The following ING4 variants were observed in gnomAD, a reference collection of about 807,000 sequenced individuals.
The protein encoded by ING4 is inhibitor of growth protein 4.
A neutral mutation model predicts 33.1 loss-of-function variants in ING4; 28 were observed. The observed-to-expected ratio is 0.85, with a 90% CI of 0.63 to 1.16. The LOEUF (loss-of-function observed/expected upper bound fraction) is 1.16, where lower values mean the gene tolerates loss of function less well. Among genes scored for constraint, ING4 ranks in the 50% most tolerant of loss-of-function variants. ING4 has a pLI of 0.00. For missense variants in ING4, 247 were observed against 314.7 expected (o/e 0.78, Z 1.63); for synonymous variants, 87 against 104.4 (o/e 0.83, Z 1.02).
intron 2 of ING4, among the ~76,000 whole-genome samples, chr12:6,656,247 C>A (rs556748428): frequency 3.3e-5 from 5 of 150,748 alleles, no homozygotes; most frequent in Non-Finnish European, 7.4e-5. Flanking sequence ...ATGATTTGGG[C>A]TCACTACAAC....
intron 1 of ING4, among the ~76,000 whole-genome samples, chr12:6,661,406 G>GTTTTTTT (rs1174675715): frequency 2.5e-5 from 3 of 118,618 alleles, no homozygotes; most frequent in Admixed American, 8.4e-5. Flanking sequence ...ACCAGCCTTT[G>GTTTTTTT]TTTTTTTTTT....
At chr12:6,655,615 A>T in intron 2 of ING4, 1 of 1,122,236 alleles carries the variant, frequency 8.9e-7, no homozygotes, top group East Asian at 7.4e-5. Context: ...ACTGTATTAC[A>T]AAAAAAGCAA....
intron 2 of ING4, chr12:6,656,011 G>A: frequency 2.3e-6 from 1 of 435,178 alleles, no homozygotes; most frequent in Admixed American, 2.5e-5. Flanking sequence ...TTCTCATATA[G>A]CAAACCTCCC....
chr12:6,652,450 T>C lies in ING4; in HGVS notation c.498-32A>G, dbSNP rs761628715. The C allele has an allele frequency of 1.9e-6, 3 of 1,609,268 alleles. No homozygotes were observed. In the Admixed American group the frequency reaches 5.0e-5, roughly 27 times the overall value. ...GCCAAGAGGAAGAGAAAGTGTCATC[T>C]ACAGGAAGGGAAGCTAAAGCCTGAG... On this transcript the variant is annotated intron_variant, in intron 5 of 7. Transcript: ENST00000341550.
chr12:6,661,406 G>GTTT (rs1174675715), intron 1 of ING4, among the ~76,000 whole-genome samples: 1,183 of 118,290 alleles, frequency 0.01, 52 homozygotes, highest in African/African-American at 0.039. Flanking sequence ...ACCAGCCTTT[G>GTTT]TTTTTTTTTT....
chr12:6,659,061 C>T (rs1407175538), intron 1 of ING4, among the ~76,000 whole-genome samples: 1 of 152,242 alleles, frequency 6.6e-6, no homozygotes, highest in Non-Finnish European at 1.5e-5. Context: ...ACTCTGTTAA[C>T]TGCCCTCGAT....
chr12:6,652,194 C>G (rs1949204026), intron 6 of ING4, 77 bp downstream of exon 6: 1 of 1,507,796 alleles, frequency 6.6e-7, no homozygotes. Flanking sequence ...CAGTACTCAA[C>G]TGTGGGATTT....
chr12:6,655,553 TATA>T, intron 2 of ING4: 1 of 1,055,470 alleles, frequency 9.5e-7, no homozygotes, highest in South Asian at 2.6e-5. Flanking sequence ...TGAAAAAGCA[TATA>T]GTTCCATAAT....
rs1472022444 is a variant in ING4 at position 6,653,253 on chromosome 12, G to C, written c.253C>G (p.Leu85Val). 6.2e-7 allele frequency: 1 copy of C among 1,614,170 alleles called. No individual in the cohort carries two copies. The highest frequency in any genetic ancestry group is 1.7e-5 in the Admixed American group (1 of 60,004). ...CKEFGDDKVQ[L>V]AMQTYEMVDK... is the part of the protein sequence containing the mutation. ...ACCATCTCATAGGTCTGCATGGCAA[G>C]CTGCACCTTGTCGTCACCAAATTCC... is the stretch of plus-strand genomic sequence containing the variant. Residue 85 changes from leucine (L) to valine (V), a missense_variant, in exon 3 of 8, where the codon CTT (leucine) becomes GTT (valine). Around this residue, in one of 3 missense-constraint regions of ING4, gnomAD observed 198 missense variants for 221.2 expected, o/e 0.89. Transcript: ENST00000341550.
intron 1 of ING4, chr12:6,657,937 A>C (rs1437125910): frequency 2.0e-5 from 3 of 151,430 alleles, no homozygotes; most frequent in Non-Finnish European, 2.9e-5. Context: ...TCCAAAAAAA[A>C]AAAAAAAAGC....
chr12:6,652,007 G>A (rs1565397232), intron 6 of ING4, among the ~76,000 whole-genome samples: 1 of 151,772 alleles, frequency 6.6e-6, no homozygotes. Flanking sequence ...TGACAGTCGT[G>A]TGCCACTATG....
At chr12:6,656,880 A>T in intron 1 of ING4, 82 bp from the exon 2 acceptor site, 1 of 840,518 alleles carries the variant, frequency 1.2e-6, no homozygotes, top group Non-Finnish European at 1.8e-6. Flanking sequence ...CAGGCCGGAC[A>T]TGGTGGCTCA....
chr12:6,661,787 C>G (rs910274371), intron 1 of ING4, among the ~76,000 whole-genome samples: 1 of 152,148 alleles, frequency 6.6e-6, no homozygotes, highest in Non-Finnish European at 1.5e-5. Context: ...CTCTCAACCA[C>G]TCAGTCATTC....
intron 2 of ING4, 23 bp downstream of exon 2, chr12:6,656,704 A>C (rs1226883825): frequency 7.0e-7 from 1 of 1,434,264 alleles, no homozygotes; most frequent in African/African-American, 1.5e-5. Flanking sequence ...ATTAGATACA[A>C]AAACTTTTTA....
intron 1 of ING4, 60 bp downstream of exon 1, chr12:6,663,005 C>T: frequency 5.1e-6 from 8 of 1,560,072 alleles, no homozygotes; most frequent in Non-Finnish European, 7.1e-6. Context: ...TACAGATCCT[C>T]TCATCCCTGA....
In ING4 at chr12:6,653,319, C is replaced by T. The variant is rs767676441; in HGVS notation, c.187G>A (p.Ala63Thr). Residue 63 changes from alanine (A) to threonine (T), a missense_variant, in exon 3 of 8, where the codon GCC (alanine) becomes ACC (threonine). Transcript: ENST00000341550. ...ARSLSSEEKLALLKQIQEAYG... is the reference protein window; with the variant it reads ...ARSLSSEEKLTLLKQIQEAYG... ...GCTTCCTGGATCTGTTTGAGAAGGGCCAATTTTTCCTCGGAGCTCAGGCTG... is the reference window on the plus strand; with the variant it reads ...GCTTCCTGGATCTGTTTGAGAAGGGTCAATTTTTCCTCGGAGCTCAGGCTG... 3.7e-6 allele frequency: 6 copies of T among 1,614,138 alleles called. No homozygotes were observed. In the Admixed American group the frequency reaches 8.3e-5, roughly 22 times the overall value.
chr12:6,651,142 T>C lies in ING4; in HGVS notation c.*53A>G. 6.3e-7 allele frequency: 1 copy of C among 1,599,120 alleles called. No individual in the cohort carries two copies. The highest frequency in any genetic ancestry group is 1.1e-5 in the South Asian group (1 of 90,722). On this transcript the variant is annotated 3_prime_UTR_variant, in exon 8 of 8. Transcript: ENST00000341550. Reference sequence around the variant, plus strand: ...CCAGCACAGGCATTCCTCTGCCCACTAGCCCAAGTCAGGGGATGTGGAAGA... The same window carrying C: ...CCAGCACAGGCATTCCTCTGCCCACCAGCCCAAGTCAGGGGATGTGGAAGA...
At chr12:6,660,569 T>C (rs909051821) in intron 1 of ING4, among the ~76,000 whole-genome samples, 4 of 151,736 alleles carry the variant, frequency 2.6e-5, no homozygotes, top group Non-Finnish European at 4.4e-5. Context: ...GATCGCACCA[T>C]TGCGCTCCAG....
chr12:6,652,909 C>A (rs962066169), intron 4 of ING4, 27 bp downstream of exon 4: 7 of 1,593,172 alleles, frequency 4.4e-6, no homozygotes, highest in Non-Finnish European at 6.0e-6. Context: ...CCTCGCCCCA[C>A]CTCTCACAGC....
Sources: gnomAD v4.1 joint callset for allele counts (sites outside exome capture counted in the v4.1 genomes callset) on GRCh38, gnomAD v4.1.1 for gene constraint, gnomAD v4.1.1 regional missense constraint, MANE v1.5 for transcripts, NCBI Gene and HGNC (gene_info 2026-07-23, HGNC 2026-07-21) for gene names.